Variants in PNKP observed in about 807,000 individuals in gnomAD.
PNKP encodes the protein bifunctional polynucleotide phosphatase/kinase.
In PNKP, 82 loss-of-function variants were observed where a neutral mutation model predicts 66.2. That is an observed-to-expected ratio of 1.24 (90% CI 1.04 to 1.49). The LOEUF (loss-of-function observed/expected upper bound fraction) is 1.49. PNKP is among the 40% of genes most tolerant of loss of function. The pLI is 0.00. For missense variants in PNKP, 907 were observed against 706.8 expected (o/e 1.28, Z -3.21); for synonymous variants, 412 against 298.9 (o/e 1.38, Z -3.90).
chr19:49,862,866 A>T, intron 8 of PNKP, 128 bp from the exon 9 acceptor site: 2 of 980,080 alleles, frequency 2.0e-6, no homozygotes, highest in Non-Finnish European at 3.2e-6. Flanking sequence ...TCATGTCCTC[A>T]CTCTCCAGCC....
intron 7 of PNKP, 59 bp from the exon 8 acceptor site, chr19:49,863,819 C>T: frequency 4.1e-6 from 6 of 1,479,796 alleles, no homozygotes; most frequent in Non-Finnish European, 5.5e-6. Flanking sequence ...CTGGATGCCA[C>T]CCCAGCCCAG....
rs778407583 is a variant in PNKP, at chr19:49,867,078, C to A, written c.127G>T (p.Asp43Tyr). Residue 43 changes from aspartate (D) to tyrosine (Y), a missense_variant, in exon 2 of 17, where the codon GAC (aspartate) becomes TAC (tyrosine). Physicochemically the swap from Asp to Tyr is radical, Grantham distance 160 (BLOSUM62 -3). Coordinates refer to ENST00000322344, the MANE Select transcript of PNKP (RefSeq NM_007254.4). ...LGRGPLTQVT[D>Y]RKCSRTQVEL... ...CCTTGAGTTCTGGAGCACTTCCGGTCCGTAACCTGGGTCAGGGGTCCCCTG... is the reference window on the plus strand; with the variant it reads ...CCTTGAGTTCTGGAGCACTTCCGGTACGTAACCTGGGTCAGGGGTCCCCTG... 6.2e-7 allele frequency: 1 copy of A among 1,613,972 alleles called. No individual in the cohort carries two copies. Among genetic ancestry groups the A allele is most frequent in the South Asian group, 1.1e-5 (1 of 91,082 alleles).
chr19:49,861,231 G>GGGGAGCTGGGC lies in PNKP; in HGVS notation c.*6_*16dup, dbSNP rs1280989757. The GGGGAGCTGGGC allele has an allele frequency of 2.7e-6, 4 of 1,499,344 alleles. No individual in the cohort carries two copies. The highest frequency in any genetic ancestry group is 3.7e-6 in the Non-Finnish European group (4 of 1,075,956). The allele number at this position is 1,499,344 out of a possible 1,614,324, so 92.9% of individuals were successfully genotyped here. ...AAGGAGAAACAGCGTTTATTGTGGA[G>GGGGAGCTGGGC]GGGAGCTGGGCGGGGCTCAGCCCTC... On this transcript the variant is annotated 3_prime_UTR_variant, in exon 17 of 17. Transcript: ENST00000322344.
chr19:49,865,601 C>CTTTT (rs749242089), intron 3 of PNKP, 175 bp from the exon 4 acceptor site: 12 of 318,414 alleles, frequency 3.8e-5, no homozygotes, highest in African/African-American at 6.2e-5. Context: ...TTGTCCGAAT[C>CTTTT]TTTTTTTTTT....
Position 49,861,901 on chromosome 19 carries a change from C to CAA in PNKP, c.1189-22_1189-21dup. 1 of 1,579,920 alleles carries CAA rather than the reference C, an allele frequency of 6.3e-7. No individual in the cohort carries two copies. Among genetic ancestry groups the CAA allele is most frequent in the Non-Finnish European group, 8.6e-7 (1 of 1,166,412 alleles). On this transcript the variant is annotated intron_variant, in intron 13 of 16. Transcript: ENST00000322344. ...CGTGTCCTGGGGACACGAGAGGTCA[C>CAA]AAACAGATCGGCAGACCCAGGGGGA...
Position 49,862,366 on chromosome 19 carries a change from C to A in PNKP, c.1029+5G>T, listed in dbSNP as rs2074780309. The A allele has an allele frequency of 6.7e-7, 1 of 1,492,038 alleles. No homozygotes were observed. The highest frequency in any genetic ancestry group is 9.1e-7 in the Non-Finnish European group (1 of 1,094,396). The allele number at this position is 1,492,038 out of a possible 1,614,324, so 92.4% of individuals were successfully genotyped here. On this transcript the variant is annotated splice_donor_5th_base_variant and intron_variant, in intron 11 of 16. Coordinates refer to ENST00000322344, the MANE Select transcript of PNKP (RefSeq NM_007254.4). ...CCCACCCCCACCCCCGCCCCAGGGCCTCACCGGATCAAAGGCTGGGAGCTC... is the reference window on the plus strand; with the variant it reads ...CCCACCCCCACCCCCGCCCCAGGGCATCACCGGATCAAAGGCTGGGAGCTC...
intron 8 of PNKP, 37 bp from the exon 9 acceptor site, chr19:49,862,775 A>G: frequency 3.1e-6 from 5 of 1,610,594 alleles, no homozygotes; most frequent in Non-Finnish European, 4.2e-6. Flanking sequence ...CTTCCCACAA[A>G]TGTCCCCCCG....
At position 49,867,175 on chromosome 19, in the gene PNKP, CA is replaced by C; in HGVS notation, c.29del (p.Leu10CysfsTer29). The C allele has an allele frequency of 6.2e-7, 1 of 1,612,130 alleles. No homozygotes were observed. Among genetic ancestry groups the C allele is most frequent in the Non-Finnish European group, 8.5e-7 (1 of 1,179,502 alleles). Reference protein sequence around the residue: MGEVEAPGRLWLESPPGGAP... With the variant: MGEVEAPGRXWLESPPGGAP... ...CTCCCCCAGGGGGGCTCTCGAGCCA[CA>C]AGCGGCCCGGGGCCTCCACCTCGCC... On this transcript the variant is annotated frameshift_variant, in exon 2 of 17. Transcript: ENST00000322344. LOFTEE classifies it high-confidence loss of function.
chr19:49,865,882 GGATTACAGGCGT>G (rs1350197039), intron 3 of PNKP: 1 of 235,228 alleles, frequency 4.3e-6, no homozygotes. Flanking sequence ...CAAAGTGCTG[GGATTACAGGCGT>G]GAGCCACCGC....
chr19:49,863,091 C>T (rs1446415381), intron 8 of PNKP, among the ~76,000 whole-genome samples: 1 of 152,226 alleles, frequency 6.6e-6, no homozygotes, highest in Non-Finnish European at 1.5e-5. Flanking sequence ...CTGCCCTCTC[C>T]CCTCCCTCGC....
In PNKP at chr19:49,862,575, C is replaced by A. The variant is rs759656573; in HGVS notation, c.899G>T (p.Gly300Val). 1.2e-6 allele frequency: 2 copies of A among 1,613,096 alleles called. No homozygotes were observed. Among genetic ancestry groups the A allele is most frequent in the East Asian group, 2.2e-5 (1 of 44,850 alleles). ...GCAGGAGAAGTCTTTCTTCTTCCGC[C>A]CCGGGGCCCAGTTGGCCGGGCGTCC... Reference protein sequence around the residue: ...AAGRPANWAPGRKKKDFSCAD... With the variant: ...AAGRPANWAPVRKKKDFSCAD... Residue 300 changes from glycine (G) to valine (V), a missense_variant, in exon 10 of 17, where the codon GGG (glycine) becomes GTG (valine). Transcript: ENST00000322344.
At chr19:49,861,425 G>C (rs754871104) in intron 16 of PNKP, 24 bp downstream of exon 16, 1 of 1,613,994 alleles carries the variant, frequency 6.2e-7, no homozygotes, top group Admixed American at 1.7e-5. Flanking sequence ...CAGTGCCCCT[G>C]CCCCCTGCTA....
intron 3 of PNKP, 160 bp from the exon 4 acceptor site, chr19:49,865,586 C>A: frequency 9.3e-6 from 5 of 539,404 alleles, no homozygotes; most frequent in Admixed American, 3.3e-5. Flanking sequence ...TACAGGTTTT[C>A]AGCCTTGTCC....
intron 8 of PNKP, among the ~76,000 whole-genome samples, chr19:49,863,302 G>A (rs1388743534): frequency 1.3e-5 from 2 of 152,190 alleles, no homozygotes; most frequent in Admixed American, 6.5e-5. Context: ...CACGGGTGAT[G>A]CCTGCTTTCT....
intron 11 of PNKP, 23 bp from the exon 12 acceptor site, chr19:49,862,304 G>T: frequency 6.5e-7 from 1 of 1,550,150 alleles, no homozygotes; most frequent in Non-Finnish European, 8.7e-7. Context: ...GGGGACACGC[G>T]TGAGATGCCG....
intron 16 of PNKP, 26 bp downstream of exon 16, chr19:49,861,423 C>T: frequency 3.7e-6 from 6 of 1,614,096 alleles, no homozygotes; most frequent in Non-Finnish European, 5.1e-6. Context: ...GCCAGTGCCC[C>T]TGCCCCCTGC....
intron 8 of PNKP, 81 bp from the exon 9 acceptor site, chr19:49,862,819 G>T: frequency 7.0e-7 from 1 of 1,430,668 alleles, no homozygotes. Context: ...TGCTTCGCCT[G>T]GTCTGTGCCC....
chr19:49,861,737 G>A (rs555356993), intron 14 of PNKP, 35 bp downstream of exon 14: 313 of 1,552,838 alleles, frequency 2.0e-4, no homozygotes, highest in Admixed American at 2.9e-4. Context: ...CGCCCACCCC[G>A]CCGCAGGCCA....
intron 15 of PNKP, 48 bp from the exon 16 acceptor site, chr19:49,861,558 G>T: frequency 2.6e-6 from 4 of 1,562,554 alleles, no homozygotes; most frequent in Non-Finnish European, 2.6e-6. Context: ...CAGGGGAGGA[G>T]GGGGGTCAGG....
Sources: gnomAD v4.1 joint callset for allele counts (sites outside exome capture counted in the v4.1 genomes callset) on GRCh38, gnomAD v4.1.1 for gene constraint, MANE v1.5 for transcripts, NCBI Gene and HGNC (gene_info 2026-07-23, HGNC 2026-07-21) for gene names.